The following BABAM1 variants were observed in gnomAD, a reference collection of about 807,000 sequenced individuals.
BABAM1 encodes the protein BRISC and BRCA1-A complex member 1.
BABAM1 carries 14 observed loss-of-function variants against 34.4 expected under a neutral mutation model. The ratio of observed to expected loss-of-function variants is 0.41; its 90% CI spans 0.27 to 0.64. The LOEUF (loss-of-function observed/expected upper bound fraction) is 0.64, where lower values mean the gene tolerates loss of function less well. Ranked by LOEUF, BABAM1 falls within the 30% of genes least tolerant of loss-of-function variation. BABAM1 has a pLI of 0.34. For missense variants in BABAM1, 393 were observed against 434.0 expected, an observed-to-expected ratio of 0.91 and a Z score of 0.84; for synonymous variants, 169 against 165.8, an observed-to-expected ratio of 1.02 and a Z score of -0.15.
At chr19:17,276,752 G>C (rs920138696) in intron 7 of BABAM1, 71 bp from the exon 8 acceptor site, 112 of 1,556,558 alleles carry the variant, frequency 7.2e-5, no homozygotes, top group Non-Finnish European at 9.6e-5. Context: ...AGGCAGAAAT[G>C]GGGGAGCTAT....
intron 8 of BABAM1, chr19:17,277,205 T>C (rs73014418): frequency 2.8e-3 from 108 of 38,374 alleles, no homozygotes; most frequent in East Asian, 3.3e-3. Context: ...TCTTCTTCTT[T>C]TTTTTTTTTT....
chr19:17,268,253 G>A (rs2073791654), intron 1 of BABAM1, among the ~76,000 whole-genome samples: 1 of 132,834 alleles, frequency 7.5e-6, no homozygotes, highest in Non-Finnish European at 1.6e-5. Context: ...CTAGCACTAC[G>A]TTAAAAAAAA....
chr19:17,270,692 ATTT>A (rs1263833188), intron 2 of BABAM1, among the ~76,000 whole-genome samples: 2 of 135,076 alleles, frequency 1.5e-5, no homozygotes, highest in African/African-American at 5.5e-5. Flanking sequence ...CACCCAACAA[ATTT>A]TTTTTTTTTT....
chr19:17,272,829 C>T (rs1054427538), intron 3 of BABAM1, among the ~76,000 whole-genome samples: 5 of 152,136 alleles, frequency 3.3e-5, no homozygotes, highest in African/African-American at 1.2e-4. Flanking sequence ...CCAGCCTGGC[C>T]GACATAGTGA....
chr19:17,271,451 T>C (rs2073840012), intron 2 of BABAM1, 146 bp from the exon 3 acceptor site: 1 of 801,466 alleles, frequency 1.2e-6, no homozygotes, highest in Non-Finnish European at 2.0e-6. Flanking sequence ...TTCTAAGCCA[T>C]TGCTTTTCAA....
intron 2 of BABAM1, 57 bp from the exon 3 acceptor site, chr19:17,271,540 G>T: frequency 6.3e-7 from 1 of 1,579,224 alleles, no homozygotes; most frequent in African/African-American, 1.3e-5. Flanking sequence ...CCAGTGAGTG[G>T]TGTGGGGGCC....
In BABAM1 at chr19:17,273,916, C is replaced by T. The variant is rs201256986; in HGVS notation, c.357C>T (p.Asn119=). The T allele has an allele frequency of 3.4e-5, 55 of 1,611,542 alleles. No individual in the cohort carries two copies. Among genetic ancestry groups the T allele is most frequent in the East Asian group, 4.5e-5 (2 of 44,810 alleles). The change falls in exon 4 of 9, where the codon AAC becomes AAT. Residue 119 remains asparagine, a synonymous_variant. Transcript: ENST00000598188. ...TCTGCCTCCCCAGCTCCAAAACCAA[C>T]GCCCTCAATGTCTCCCAGAAGATGA... ...KLESFNGSKT[N]ALNVSQKMIE...
chr19:17,273,015 T>C (rs889245676), intron 3 of BABAM1, among the ~76,000 whole-genome samples: 13 of 151,744 alleles, frequency 8.6e-5, no homozygotes, highest in Admixed American at 3.3e-4. Context: ...CGAAACTCCA[T>C]CTCAAAAAAA....
At chr19:17,271,724 G>C (rs1239021530) in intron 3 of BABAM1, 69 bp downstream of exon 3, 4 of 1,528,704 alleles carry the variant, frequency 2.6e-6, no homozygotes, top group Middle Eastern at 1.7e-4. Flanking sequence ...AAGATACGGG[G>C]CTCTCACTCT....
intron 8 of BABAM1, chr19:17,277,649 G>T (rs2073926219): frequency 6.6e-6 from 1 of 152,268 alleles, no homozygotes; most frequent in Non-Finnish European, 1.5e-5. Flanking sequence ...ACTTCTCTGA[G>T]CCTCAGTTTA....
intron 5 of BABAM1, chr19:17,274,424 C>G (rs147578359): frequency 9.1e-6 from 5 of 549,460 alleles, no homozygotes; most frequent in Non-Finnish European, 1.6e-5. Flanking sequence ...TGATTTGGTC[C>G]GGGCATGGTG....
chr19:17,278,709 C>T, intron 8 of BABAM1, 136 bp from the exon 9 acceptor site: 4 of 787,004 alleles, frequency 5.1e-6, no homozygotes, highest in Non-Finnish European at 8.1e-6. Flanking sequence ...ATGGTTTCTG[C>T]TTGGCAAACT....
chr19:17,273,672 T>C (rs1599495420), intron 3 of BABAM1, among the ~76,000 whole-genome samples: 1 of 149,990 alleles, frequency 6.7e-6, no homozygotes, highest in Non-Finnish European at 1.5e-5. Context: ...CAAGCAATTC[T>C]CTGACTCAGC....
At chr19:17,269,348 CTTTT>C (rs71334696) in intron 2 of BABAM1, among the ~76,000 whole-genome samples, 1 of 123,044 alleles carries the variant, frequency 8.1e-6, no homozygotes. Flanking sequence ...TTTTGTCTGT[CTTTT>C]TTTTTTTTTT....
At position 17,279,192 on chromosome 19, in the gene BABAM1, C is replaced by A. The variant is rs2073946439; in HGVS notation, c.*144C>A. 2 of 796,940 alleles carry A rather than the reference C, an allele frequency of 2.5e-6. No individual in the cohort carries two copies. Among genetic ancestry groups the A allele is most frequent in the East Asian group, 2.8e-5 (1 of 36,094 alleles). The allele number at this position is 796,940 out of a possible 1,614,324, so 49.4% of individuals were successfully genotyped here. On this transcript the variant is annotated 3_prime_UTR_variant, in exon 9 of 9. Coordinates refer to ENST00000598188, the MANE Select transcript of BABAM1 (RefSeq NM_014173.4). The stretch of plus-strand genomic sequence containing the variant: ...ACCTTGCAGGGTCCTAGGAGGGAAA[C>A]CCAGGATTCCAGGAGGGATCCCAGG...
At chr19:17,269,617 C>T (rs2145610287) in intron 2 of BABAM1, among the ~76,000 whole-genome samples, 1 of 152,258 alleles carries the variant, frequency 6.6e-6, no homozygotes, top group African/African-American at 2.4e-5. Flanking sequence ...TCCCAAAGTG[C>T]TGGGATTATA....
At chr19:17,278,476 T>G (rs977499468) in intron 8 of BABAM1, among the ~76,000 whole-genome samples, 13 of 151,528 alleles carry the variant, frequency 8.6e-5, no homozygotes, top group Non-Finnish European at 1.6e-4. Context: ...GCCCGGCTAA[T>G]TTTTTGTATT....
Position 17,272,652 on chromosome 19 carries a change from T to C in BABAM1, c.344+997T>C, listed in dbSNP as rs375023100. ...AAATCTCCTGACCTCATGATCCGCC[T>C]GCCTCGGCCTCCCAAAGTGCTGGGA... On this transcript the variant is annotated intron_variant, in intron 3 of 8. Transcript: ENST00000598188. Among the ~76,000 whole-genome samples, 392 of 151,740 alleles carry C rather than the reference T, an allele frequency of 2.6e-3. 2 individuals are homozygous for C. The highest frequency in any genetic ancestry group is 8.8e-3 in the African/African-American group (367 of 41,494).
At chr19:17,273,559 G>GT (rs1252906493) in intron 3 of BABAM1, among the ~76,000 whole-genome samples, 5 of 24,568 alleles carry the variant, frequency 2.0e-4, no homozygotes, top group Admixed American at 3.2e-4. Context: ...TTTTTTGTTT[G>GT]TTTTGTTTTT....
Sources: gnomAD v4.1 joint callset for allele counts (sites outside exome capture counted in the v4.1 genomes callset) on GRCh38, gnomAD v4.1.1 for gene constraint, MANE v1.5 for transcripts, NCBI Gene and HGNC (gene_info 2026-07-23, HGNC 2026-07-21) for gene names.